The following NRBF2 variants were observed in gnomAD, a reference collection of about 807,000 sequenced individuals.
NRBF2 encodes the protein nuclear receptor binding factor 2, also known as nuclear receptor-binding factor 2.
A neutral mutation model predicts 28.5 loss-of-function variants in NRBF2; 12 were observed. The ratio of observed to expected loss-of-function variants is 0.42; its 90% CI spans 0.27 to 0.68. The LOEUF is 0.68. Ranked by LOEUF, NRBF2 falls within the 30% of genes least tolerant of loss-of-function variation. The pLI is 0.24. For missense variants in NRBF2, 274 were observed against 333.5 expected (o/e 0.82, Z 1.39); for synonymous variants, 102 against 116.5 (o/e 0.88, Z 0.80).
In NRBF2 at chr10:63,154,155, A is replaced by G. The variant is rs1841694590; in HGVS notation, c.801A>G (p.Pro267=). 6.2e-7 allele frequency: 1 copy of G among 1,613,640 alleles called. No homozygotes were observed. Among genetic ancestry groups the G allele is most frequent in the Non-Finnish European group, 8.5e-7 (1 of 1,179,618 alleles). The change falls in exon 4 of 4, where the codon CCA becomes CCG. Residue 267 remains proline (P), a synonymous_variant. Coordinates refer to ENST00000277746, the MANE Select transcript of NRBF2 (RefSeq NM_030759.5). The part of the protein sequence containing the change: ...PIPNLPPLDF[P]SPELPLMELS... ...CCAATCTTCCTCCCTTGGATTTTCC[A>G]TCTCCAGAACTTCCTCTTATGGAGC...
At position 63,153,750 on chromosome 10, in the gene NRBF2, G is replaced by C; in HGVS notation, c.396G>C (p.Gly132=). The C allele has an allele frequency of 1.9e-6, 3 of 1,612,868 alleles. No homozygotes were observed. The highest frequency in any genetic ancestry group is 2.5e-6 in the Non-Finnish European group (3 of 1,179,770). The stretch of plus-strand genomic sequence containing the variant: ...AGAAATGCCTGCCTGAGATTCAGGG[G>C]ATCTTTGACAGGGATCCAGACACAC... The part of the protein sequence containing the change: ...STEKCLPEIQ[G]IFDRDPDTLL... The change falls in exon 4 of 4, where the codon GGG becomes GGC. Residue 132 remains glycine, a synonymous_variant. Transcript: ENST00000277746.
chr10:63,146,767 T>C (rs1202215519), intron 2 of NRBF2, among the ~76,000 whole-genome samples: 1 of 152,234 alleles, frequency 6.6e-6, no homozygotes, highest in Non-Finnish European at 1.5e-5. Flanking sequence ...TGTGGTCTTT[T>C]TTTTAGCTTC....
intron 1 of NRBF2, among the ~76,000 whole-genome samples, chr10:63,134,134 C>G (rs1841338332): frequency 6.6e-6 from 1 of 152,104 alleles, no homozygotes; most frequent in Non-Finnish European, 1.5e-5. Context: ...AGCTCAGATT[C>G]ATCAATTTAG....
In NRBF2 at chr10:63,133,505, G is replaced by C; in HGVS notation, c.30+5G>C. 6 of 1,605,724 alleles carry C rather than the reference G, an allele frequency of 3.7e-6. No individual in the cohort carries two copies. The highest frequency in any genetic ancestry group is 5.1e-6 in the Non-Finnish European group (6 of 1,173,412). ...ATGGAAGGACCCCTCAACCTGGTGA[G>C]TGTCCCACAGAATATAGCGTTCGTC... On this transcript the variant is annotated splice_donor_5th_base_variant and intron_variant, in intron 1 of 3. Coordinates refer to ENST00000277746, the MANE Select transcript of NRBF2 (RefSeq NM_030759.5).
At chr10:63,144,851 T>G (rs1841534821) in intron 1 of NRBF2, among the ~76,000 whole-genome samples, 2 of 152,202 alleles carry the variant, frequency 1.3e-5, no homozygotes, top group African/African-American at 4.8e-5. Context: ...AATATGGGTG[T>G]ACAATGCTTT....
intron 1 of NRBF2, among the ~76,000 whole-genome samples, chr10:63,144,795 T>C (rs1841534126): frequency 6.6e-6 from 1 of 152,180 alleles, no homozygotes; most frequent in South Asian, 2.1e-4. Context: ...TTGATGGACA[T>C]CTGGATTGCT....
intron 1 of NRBF2, among the ~76,000 whole-genome samples, chr10:63,137,026 A>G (rs185452989): frequency 2.6e-5 from 4 of 152,244 alleles, no homozygotes; most frequent in Admixed American, 6.5e-5. Context: ...TTTTTGGTCA[A>G]TTTTTCTTTA....
In NRBF2 at chr10:63,152,085, T is replaced by C. The variant is rs1589022259; in HGVS notation, c.116-65T>C. ...TGTCATATGAAGATTATTAAAACTCTTCCTTTTACCTGTTAATTACAAAAT... is the reference window on the plus strand; with the variant it reads ...TGTCATATGAAGATTATTAAAACTCCTCCTTTTACCTGTTAATTACAAAAT... On this transcript the variant is annotated intron_variant, in intron 2 of 3. Coordinates refer to ENST00000277746, the MANE Select transcript of NRBF2 (RefSeq NM_030759.5). 4.2e-6 allele frequency: 5 copies of C among 1,195,002 alleles called. No individual in the cohort carries two copies. In the East Asian group the frequency reaches 7.0e-5, roughly 17 times the overall value. 74.0% of individuals were successfully genotyped at this position (1,195,002 alleles called of 1,614,324 possible). A position where few individuals can be genotyped will look rare whatever the true frequency, so the allele number is the denominator to read the frequency against.
intron 2 of NRBF2, among the ~76,000 whole-genome samples, chr10:63,148,817 C>T (rs1841602903): frequency 6.6e-6 from 1 of 152,170 alleles, no homozygotes; most frequent in Non-Finnish European, 1.5e-5. Context: ...AAGCACATCC[C>T]TAAGTGAATT....
At position 63,148,404 on chromosome 10, in the gene NRBF2, G is replaced by T. The variant is rs115704568; in HGVS notation, c.115+2111G>T. The stretch of plus-strand genomic sequence containing the variant: ...TGAGCTCACTTTTTGAAATTGACTT[G>T]CATCTCTAGGGCTTATAACTGGTCT... On this transcript the variant is annotated intron_variant, in intron 2 of 3. Transcript: ENST00000277746. Among the ~76,000 whole-genome samples, 1,102 of 152,292 alleles carry T rather than the reference G, an allele frequency of 7.2e-3. 18 individuals carry two copies. The highest frequency in any genetic ancestry group is 0.025 in the African/African-American group (1,046 of 41,548).
intron 1 of NRBF2, among the ~76,000 whole-genome samples, chr10:63,140,147 A>C (rs1841440895): frequency 6.8e-6 from 1 of 146,710 alleles, no homozygotes; most frequent in Non-Finnish European, 1.5e-5. Flanking sequence ...CTCAAAAAAA[A>C]CAGCAAGGAA....
At chr10:63,150,812 A>G (rs1841636378) in intron 2 of NRBF2, among the ~76,000 whole-genome samples, 1 of 152,132 alleles carries the variant, frequency 6.6e-6, no homozygotes, top group African/African-American at 2.4e-5. Context: ...GTGATGGGAG[A>G]CAGCGACAGA....
intron 1 of NRBF2, 64 bp downstream of exon 1, chr10:63,133,564 C>G (rs1841322163): frequency 4.7e-6 from 6 of 1,279,610 alleles, no homozygotes; most frequent in African/African-American, 1.5e-5. Context: ...CCGGCCCCGT[C>G]CCCGGCGCGT....
intron 2 of NRBF2, among the ~76,000 whole-genome samples, chr10:63,150,675 A>G (rs1227051259): frequency 6.6e-6 from 1 of 152,252 alleles, no homozygotes; most frequent in Non-Finnish European, 1.5e-5. Context: ...CAAGCACATT[A>G]CATTTATTGT....
chr10:63,144,147 A>G (rs1841522224), intron 1 of NRBF2, among the ~76,000 whole-genome samples: 1 of 152,202 alleles, frequency 6.6e-6, no homozygotes, highest in African/African-American at 2.4e-5. Flanking sequence ...TGTTAAGTAT[A>G]TTCGCATGGT....
chr10:63,153,246 A>T (rs900803853), intron 3 of NRBF2, among the ~76,000 whole-genome samples: 2 of 152,200 alleles, frequency 1.3e-5, no homozygotes, highest in African/African-American at 4.8e-5. Flanking sequence ...CTGTTGGTAG[A>T]ATTAATATGT....
Position 63,143,996 on chromosome 10 carries a change from G to A in NRBF2, c.31-2213G>A, listed in dbSNP as rs138726626. Among the ~76,000 whole-genome samples, 829 of 152,160 alleles carry A rather than the reference G, an allele frequency of 5.4e-3. 4 individuals carry two copies. The highest frequency in any genetic ancestry group is 9.5e-3 in the Non-Finnish European group (645 of 68,008). On this transcript the variant is annotated intron_variant, in intron 1 of 3. Coordinates refer to ENST00000277746, the MANE Select transcript of NRBF2 (RefSeq NM_030759.5). ...TTGTCTCAAACTCTTGAGCTCGAGT[G>A]ATCTGCCTGCTTTGGCCTCCTAAAG...
At chr10:63,133,789 G>A (rs1441741405) in intron 1 of NRBF2, among the ~76,000 whole-genome samples, 6 of 152,196 alleles carry the variant, frequency 3.9e-5, no homozygotes, top group Admixed American at 1.3e-4. Context: ...TCTCTGGCTG[G>A]GGGAAGTCCT....
At chr10:63,146,372 T>C (rs1014712527) in intron 2 of NRBF2, 79 bp downstream of exon 2, 1 of 937,684 alleles carries the variant, frequency 1.1e-6, no homozygotes, top group African/African-American at 1.7e-5. Context: ...TTGCTTTTCA[T>C]ATGCAAGACT....
Sources: gnomAD v4.1 joint callset for allele counts (sites outside exome capture counted in the v4.1 genomes callset) on GRCh38, gnomAD v4.1.1 for gene constraint, MANE v1.5 for transcripts, NCBI Gene and HGNC (gene_info 2026-07-23, HGNC 2026-07-21) for gene names.